PSMB2: variants seen among roughly 807,000 people sequenced by gnomAD.
PSMB2 encodes proteasome 20S subunit beta 2.
In PSMB2, 13 loss-of-function variants were observed where a neutral mutation model predicts 25.7. That is an observed-to-expected ratio of 0.51 (90% confidence interval 0.33 to 0.80). The LOEUF (loss-of-function observed/expected upper bound fraction) is 0.80, where lower values mean the gene tolerates loss of function less well. PSMB2 is among the 30% of genes least tolerant of loss of function. The pLI is 0.02. For synonymous variants in PSMB2, 87 were observed against 96.2 expected (o/e 0.90, Z 0.56); for missense variants, 202 against 259.0 (o/e 0.78, Z 1.51).
intron 1 of PSMB2, among the ~76,000 whole-genome samples, chr1:35,639,208 C>G (rs1317310058): frequency 6.6e-6 from 1 of 152,076 alleles, no homozygotes; most frequent in Non-Finnish European, 1.5e-5. Flanking sequence ...GAGCCGAGAT[C>G]GCGCCATTGC....
At chr1:35,616,899 G>C (rs1196820917) in intron 3 of PSMB2, among the ~76,000 whole-genome samples, 1 of 152,026 alleles carries the variant, frequency 6.6e-6, no homozygotes, top group Non-Finnish European at 1.5e-5. Context: ...ATGTGAATTG[G>C]AATCCACTAT....
chr1:35,622,261 A>C (rs1312731243), intron 3 of PSMB2, among the ~76,000 whole-genome samples: 2 of 152,102 alleles, frequency 1.3e-5, no homozygotes, highest in Admixed American at 6.6e-5. Flanking sequence ...AGATGCCAGG[A>C]TATTGTGTGT....
In PSMB2 at chr1:35,601,337, G is replaced by C. The variant is rs764430212; in HGVS notation, c.*1930C>G. 1.4e-5 allele frequency: 14 copies of C among 979,184 alleles called. No homozygotes were observed. The highest frequency in any genetic ancestry group is 1.3e-5 in the Non-Finnish European group (11 of 824,430). 60.7% of individuals were successfully genotyped at this position (979,184 alleles called of 1,614,324 possible). A position where few individuals can be genotyped will look rare whatever the true frequency, so the allele number is the denominator to read the frequency against. On this transcript the variant is annotated 3_prime_UTR_variant, in exon 6 of 6. Transcript: ENST00000373237. Reference sequence around the variant, plus strand: ...CCGCCCGCCTCGGCGGGCGGCCAAAGTGCTGGGATTACAGGCATGAGCCAC... The same window carrying C: ...CCGCCCGCCTCGGCGGGCGGCCAAACTGCTGGGATTACAGGCATGAGCCAC...
chr1:35,631,973 G>GT (rs1467914486), intron 2 of PSMB2, among the ~76,000 whole-genome samples: 1 of 152,050 alleles, frequency 6.6e-6, no homozygotes, highest in African/African-American at 2.4e-5. Flanking sequence ...AGTTATGACT[G>GT]TGCCACTGCA....
At chr1:35,629,038 T>C (rs1045771164) in intron 3 of PSMB2, among the ~76,000 whole-genome samples, 1 of 152,168 alleles carries the variant, frequency 6.6e-6, no homozygotes, top group African/African-American at 2.4e-5. Flanking sequence ...TGACCTGCTG[T>C]GTGACCTGGA....
At chr1:35,640,447 T>G (rs1457460391) in intron 1 of PSMB2, among the ~76,000 whole-genome samples, 1 of 152,152 alleles carries the variant, frequency 6.6e-6, no homozygotes, top group Non-Finnish European at 1.5e-5. Context: ...AGGGCTCCAA[T>G]CTCTTAACTC....
chr1:35,613,063 C>T (rs1650386482), intron 3 of PSMB2, among the ~76,000 whole-genome samples: 1 of 152,196 alleles, frequency 6.6e-6, no homozygotes, highest in Admixed American at 6.5e-5. Flanking sequence ...AGTTGGTATT[C>T]AGAAGCTACA....
chr1:35,608,821 C>A (rs1369861518), intron 4 of PSMB2, among the ~76,000 whole-genome samples: 1 of 152,160 alleles, frequency 6.6e-6, no homozygotes, highest in Non-Finnish European at 1.5e-5. Context: ...ACCTGTTCAT[C>A]CTTGCAAGTT....
intron 1 of PSMB2, among the ~76,000 whole-genome samples, chr1:35,638,166 C>A (rs938711503): frequency 6.6e-6 from 1 of 151,996 alleles, no homozygotes; most frequent in African/African-American, 2.4e-5. Flanking sequence ...TAATACAAGG[C>A]CAAAAATGTT....
At chr1:35,619,646 T>G (rs1650619072) in intron 3 of PSMB2, among the ~76,000 whole-genome samples, 1 of 152,220 alleles carries the variant, frequency 6.6e-6, no homozygotes, top group Non-Finnish European at 1.5e-5. Flanking sequence ...AAATTAGATT[T>G]TAAAGGTCTC....
chr1:35,626,607 C>A lies in PSMB2; in HGVS notation c.285+4667G>T, dbSNP rs763445657. On this transcript the variant is annotated intron_variant, in intron 3 of 5. Transcript: ENST00000373237. ...AGTCCACTAATTAATAAAGAAGACA[C>A]CATGAAAGAGTTTGATATTTGAAGC... Among the ~76,000 whole-genome samples, 16 of 152,274 alleles carry A rather than the reference C, an allele frequency of 1.1e-4. 1 individual carries two copies. The highest frequency in any genetic ancestry group is 3.4e-4 in the African/African-American group (14 of 41,532).
intron 1 of PSMB2, among the ~76,000 whole-genome samples, chr1:35,636,860 G>A (rs2148579111): frequency 6.6e-6 from 1 of 152,242 alleles, no homozygotes; most frequent in South Asian, 2.1e-4. Context: ...CAGATACCAA[G>A]GGACGACTGT....
At chr1:35,620,717 G>T (rs1650656121) in intron 3 of PSMB2, among the ~76,000 whole-genome samples, 1 of 150,700 alleles carries the variant, frequency 6.6e-6, no homozygotes, top group Non-Finnish European at 1.5e-5. Flanking sequence ...GACAAGGCAA[G>T]ACTGTCTCAA....
chr1:35,603,655 T>C (rs1452026341), intron 5 of PSMB2, among the ~76,000 whole-genome samples: 1 of 152,180 alleles, frequency 6.6e-6, no homozygotes, highest in African/African-American at 2.4e-5. Flanking sequence ...GACAATCCAG[T>C]GTTCTGTTCC....
At chr1:35,635,828 C>CAAAAAAAAAAA (rs1163061850) in intron 2 of PSMB2, among the ~76,000 whole-genome samples, 1 of 34,242 alleles carries the variant, frequency 2.9e-5, no homozygotes, top group African/African-American at 8.4e-5. Flanking sequence ...GACTCCGTCT[C>CAAAAAAAAAAA]AAAAAAAAAA....
chr1:35,612,573 T>C (rs986908353), intron 3 of PSMB2, among the ~76,000 whole-genome samples: 1 of 152,214 alleles, frequency 6.6e-6, no homozygotes, highest in African/African-American at 2.4e-5. Context: ...ATAGAATACC[T>C]TGGTGTTCTT....
intron 2 of PSMB2, among the ~76,000 whole-genome samples, chr1:35,632,343 G>A (rs79318088): frequency 0.02 from 3,060 of 152,296 alleles, 87 homozygotes; most frequent in East Asian, 0.058. Flanking sequence ...TGGGACCAGT[G>A]CCAAAAGGCA....
intron 3 of PSMB2, among the ~76,000 whole-genome samples, chr1:35,627,451 T>C (rs1650899605): frequency 6.6e-6 from 1 of 151,710 alleles, no homozygotes; most frequent in Non-Finnish European, 1.5e-5. Context: ...AGCCCAGGAG[T>C]TCGGGACCAG....
chr1:35,618,601 GC>G (rs1489706566), intron 3 of PSMB2, among the ~76,000 whole-genome samples: 2 of 152,126 alleles, frequency 1.3e-5, no homozygotes, highest in Non-Finnish European at 2.9e-5. Flanking sequence ...GAACTGAAGA[GC>G]GAGCCACGTT....
Sources: allele counts gnomAD v4.1 joint callset (sites outside exome capture counted in the v4.1 genomes callset), GRCh38; gene constraint gnomAD v4.1.1; transcripts MANE v1.5; gene names NCBI Gene and HGNC (gene_info 2026-07-23, HGNC 2026-07-21).